PALS2: variants seen among roughly 807,000 people sequenced by gnomAD.
The protein encoded by PALS2 is protein PALS2.
In PALS2, 27 loss-of-function variants were observed where a neutral mutation model predicts 61.6. That is an observed-to-expected ratio of 0.44 (90% CI 0.32 to 0.60). PALS2 has a LOEUF of 0.60. Among genes scored for constraint, PALS2 ranks in the 20% least tolerant of loss-of-function variants. The pLI is 0.05. For synonymous variants in PALS2, 236 were observed against 218.6 expected, an observed-to-expected ratio of 1.08 and a Z score of -0.70; for missense variants, 554 against 639.4, an observed-to-expected ratio of 0.87 and a Z score of 1.44.
At chr7:24,669,426 C>T (rs1466844042) in intron 9 of PALS2, among the ~76,000 whole-genome samples, 1 of 152,144 alleles carries the variant, frequency 6.6e-6, no homozygotes, top group East Asian at 1.9e-4. Context: ...AAACATTTGT[C>T]TTTGTTTTTG....
Position 24,650,781 on chromosome 7 carries a change from T to A in PALS2, c.651+69T>A. The A allele has an allele frequency of 3.8e-6, 4 of 1,050,814 alleles. No homozygotes were observed. In the South Asian group the frequency reaches 5.6e-5, roughly 15 times the overall value. 65.1% of individuals were successfully genotyped at this position (1,050,814 alleles called of 1,614,324 possible). A position where few individuals can be genotyped will look rare whatever the true frequency, so the allele number is the denominator to read the frequency against. Reference sequence around the variant, plus strand: ...TTTTAATCACAGTGTTGGAAATAACTATCAGTTGCTACTATTTTGCTAAAG... The same window carrying A: ...TTTTAATCACAGTGTTGGAAATAACAATCAGTTGCTACTATTTTGCTAAAG... On this transcript the variant is annotated intron_variant, in intron 5 of 11. Transcript: ENST00000222644.
chr7:24,671,057 A>G (rs554274842), intron 9 of PALS2, among the ~76,000 whole-genome samples: 3 of 152,128 alleles, frequency 2.0e-5, no homozygotes, highest in Admixed American at 6.6e-5. Context: ...TGGAATTTGT[A>G]GGTTATATGA....
chr7:24,641,453 C>T (rs1385413924), intron 2 of PALS2, among the ~76,000 whole-genome samples: 1 of 151,916 alleles, frequency 6.6e-6, no homozygotes, highest in Non-Finnish European at 1.5e-5. Flanking sequence ...AATTAGCTGA[C>T]TTGTCCAGTT....
chr7:24,638,765 C>T (rs1785371224), intron 2 of PALS2, among the ~76,000 whole-genome samples: 1 of 152,140 alleles, frequency 6.6e-6, no homozygotes, highest in South Asian at 2.1e-4. Flanking sequence ...TCCCCTGACC[C>T]CCAACCCCTT....
chr7:24,593,057 T>G (rs546177963), intron 1 of PALS2, among the ~76,000 whole-genome samples: 13 of 152,242 alleles, frequency 8.5e-5, no homozygotes, highest in African/African-American at 3.1e-4. Context: ...AAATTGGAGT[T>G]AATCCTTTCA....
rs1483274612 is a variant in PALS2 at position 24,573,992 on chromosome 7, G to A, written c.-3+399G>A. ...CGGGGCCCCTTCGGGCGCGGGGCTT[G>A]GGTGCCTACACCTCTGCGGCGGGAG... On this transcript the variant is annotated intron_variant, in intron 1 of 11. Transcript: ENST00000222644. The surrounding 1 kb of genome is among the most constrained non-coding windows in gnomAD (Gnocchi z 5.3). The A allele has an allele frequency of 3.9e-5, 6 of 152,302 alleles. No homozygotes were observed. Among genetic ancestry groups the A allele is most frequent in the African/African-American group, 1.2e-4 (5 of 41,446 alleles). The allele number at this position is 152,302 out of a possible 1,614,324, so 9.4% of individuals were successfully genotyped here.
chr7:24,579,128 A>G (rs117862286), intron 1 of PALS2, among the ~76,000 whole-genome samples: 2,320 of 152,350 alleles, frequency 0.015, 26 homozygotes, highest in Admixed American at 0.023. Context: ...TCATGAACAG[A>G]GTAATTCTCA....
At chr7:24,663,295 A>G (rs1786835331) in intron 5 of PALS2, among the ~76,000 whole-genome samples, 1 of 152,086 alleles carries the variant, frequency 6.6e-6, no homozygotes, top group Admixed American at 6.5e-5. Context: ...GTTGGTTGGA[A>G]AATCAAGTGA....
chr7:24,669,228 A>G (rs1191008234), intron 9 of PALS2, among the ~76,000 whole-genome samples: 1 of 152,236 alleles, frequency 6.6e-6, no homozygotes, highest in Non-Finnish European at 1.5e-5. Flanking sequence ...AAGTATAACC[A>G]TTAAGTGAAC....
intron 5 of PALS2, among the ~76,000 whole-genome samples, chr7:24,657,330 A>C (rs1180783410): frequency 6.6e-6 from 1 of 152,238 alleles, no homozygotes; most frequent in East Asian, 1.9e-4. Flanking sequence ...ATTTCCACCA[A>C]CATTATATGA....
chr7:24,644,038 G>A (rs917065507), intron 3 of PALS2, among the ~76,000 whole-genome samples: 3 of 149,740 alleles, frequency 2.0e-5, no homozygotes, highest in East Asian at 2.0e-4. Context: ...TATCAACCAT[G>A]TACCTACTGA....
intron 1 of PALS2, among the ~76,000 whole-genome samples, chr7:24,593,208 C>G (rs1035037698): frequency 6.6e-6 from 1 of 152,118 alleles, no homozygotes; most frequent in Non-Finnish European, 1.5e-5. Flanking sequence ...AAACCAACTC[C>G]TCTTCTGTTA....
intron 2 of PALS2, among the ~76,000 whole-genome samples, chr7:24,627,184 A>G (rs1193103819): frequency 6.6e-6 from 1 of 152,234 alleles, no homozygotes; most frequent in African/African-American, 2.4e-5. Flanking sequence ...CCACAGTGCA[A>G]TCAAATTAGA....
At chr7:24,627,060 A>C (rs1463741808) in intron 2 of PALS2, among the ~76,000 whole-genome samples, 1 of 152,206 alleles carries the variant, frequency 6.6e-6, no homozygotes, top group Non-Finnish European at 1.5e-5. Context: ...AAATCAACAG[A>C]ATATACATTC....
Position 24,688,316 on chromosome 7 carries a change from G to A in PALS2, c.*702G>A, listed in dbSNP as rs1260992396. The A allele has an allele frequency of 6.6e-6, 1 of 152,118 alleles. No individual in the cohort carries two copies. The highest frequency in any genetic ancestry group is 6.5e-5 in the Admixed American group (1 of 15,268). 9.4% of individuals were successfully genotyped at this position (152,118 alleles called of 1,614,324 possible). The stretch of plus-strand genomic sequence containing the variant: ...TTTGAGGTTATTCTTTTTATTTGTT[G>A]CAGTGATATGATGCTAACTAATTTA... On this transcript the variant is annotated 3_prime_UTR_variant, in exon 12 of 12. Transcript: ENST00000222644.
chr7:24,639,153 T>C (rs1044260146), intron 2 of PALS2, among the ~76,000 whole-genome samples: 1 of 152,222 alleles, frequency 6.6e-6, no homozygotes, highest in African/African-American at 2.4e-5. Flanking sequence ...GAGATGTATG[T>C]CATACATTTA....
intron 2 of PALS2, among the ~76,000 whole-genome samples, chr7:24,626,444 C>A (rs1238460089): frequency 6.6e-6 from 1 of 152,066 alleles, no homozygotes; most frequent in Non-Finnish European, 1.5e-5. Context: ...ACTTTATTCC[C>A]CTTTGCAGTT....
In PALS2 at chr7:24,641,442, T is replaced by C. The variant is rs368255897; in HGVS notation, c.118-274T>C. 3.9e-5 allele frequency among the ~76,000 whole-genome samples: 6 copies of C among 152,256 alleles called. 1 individual carries two copies. In the South Asian group the frequency reaches 6.2e-4, roughly 16 times the overall value. The stretch of plus-strand genomic sequence containing the variant: ...AAGGGACTGTAATAGGTTTTGTAAA[T>C]AATTAGCTGACTTGTCCAGTTTTTT... On this transcript the variant is annotated intron_variant, in intron 2 of 11. Coordinates refer to ENST00000222644, the MANE Select transcript of PALS2 (RefSeq NM_001303037.2).
At position 24,691,408 on chromosome 7, in the gene PALS2, T is replaced by C. The variant is rs1187079982; in HGVS notation, c.*3794T>C. The C allele has an allele frequency of 4.1e-4, 23 of 56,576 alleles. No individual in the cohort carries two copies. The highest frequency in any genetic ancestry group is 1.1e-3 in the Non-Finnish European group (21 of 18,520). The allele number at this position is 56,576 out of a possible 1,614,324, so 3.5% of individuals were successfully genotyped here. A position where few individuals can be genotyped will look rare whatever the true frequency, so the allele number is the denominator to read the frequency against. On this transcript the variant is annotated 3_prime_UTR_variant, in exon 12 of 12. Transcript: ENST00000222644. ...TTATGTATGTGTGTGTGTGTGTGTA[T>C]ATATATATATATATATATATATATA...
Sources: gnomAD v4.1 joint callset for allele counts (sites outside exome capture counted in the v4.1 genomes callset) on GRCh38, gnomAD v4.1.1 for gene constraint, Gnocchi (gnomAD v3.1) non-coding constraint, MANE v1.5 for transcripts, NCBI Gene and HGNC (gene_info 2026-07-23, HGNC 2026-07-21) for gene names.